Variants in FERMT2 observed in about 807,000 individuals in gnomAD.
The protein encoded by FERMT2 is FERM domain containing kindlin 2.
FERMT2 carries 15 observed loss-of-function variants against 82.7 expected under a neutral mutation model. The ratio of observed to expected loss-of-function variants is 0.18; its 90% CI spans 0.12 to 0.28. FERMT2 has a LOEUF of 0.28. Among genes scored for constraint, FERMT2 ranks in the 10% least tolerant of loss-of-function variants. FERMT2 has a pLI of 1.00. For missense variants in FERMT2, 645 were observed against 809.4 expected (o/e 0.80, Z 2.46); for synonymous variants, 274 against 271.5 (o/e 1.01, Z -0.09).
intron 2 of FERMT2, among the ~76,000 whole-genome samples, chr14:52,939,413 T>G (rs1595022208): frequency 6.6e-6 from 1 of 151,852 alleles, no homozygotes; most frequent in African/African-American, 2.4e-5. Context: ...TGGCTTCCTT[T>G]TAAAAGGCAC....
At chr14:52,907,097 T>C (rs988264359) in intron 3 of FERMT2, among the ~76,000 whole-genome samples, 12 of 152,128 alleles carry the variant, frequency 7.9e-5, no homozygotes, top group Non-Finnish European at 1.8e-4. Context: ...ACTACAACCT[T>C]TGCTTCCCAG....
At chr14:52,875,430 C>T (rs113177107) in intron 7 of FERMT2, 73 bp from the exon 8 acceptor site, 26,372 of 1,162,720 alleles carry the variant, frequency 0.023, 436 homozygotes, top group Non-Finnish European at 0.025. Flanking sequence ...CTATCTGAAT[C>T]TATATTTAAT....
chr14:52,861,361 A>G (rs1566714488), intron 12 of FERMT2: 3 of 296,820 alleles, frequency 1.0e-5, no homozygotes, highest in Admixed American at 5.2e-5. Context: ...TTCCCCCTAC[A>G]TCGTGTACCC....
At chr14:52,897,306 C>G (rs1370291567) in intron 3 of FERMT2, among the ~76,000 whole-genome samples, 2 of 151,916 alleles carry the variant, frequency 1.3e-5, no homozygotes, top group Non-Finnish European at 2.9e-5. Flanking sequence ...CATCTTTTTC[C>G]ATATTTTATT....
intron 3 of FERMT2, among the ~76,000 whole-genome samples, chr14:52,896,681 T>C (rs527384158): frequency 3.0e-4 from 45 of 152,248 alleles, no homozygotes; most frequent in African/African-American, 1.1e-3. Flanking sequence ...ATGTTTTTCC[T>C]CTAATTATAA....
chr14:52,858,652 T>A (rs1006699168), intron 14 of FERMT2, 102 bp from the exon 15 acceptor site: 15 of 997,550 alleles, frequency 1.5e-5, no homozygotes, highest in Non-Finnish European at 1.9e-5. Flanking sequence ...CACAAAACAC[T>A]TGTTGATCCT....
At chr14:52,930,489 G>A (rs1889513492) in intron 2 of FERMT2, among the ~76,000 whole-genome samples, 1 of 152,268 alleles carries the variant, frequency 6.6e-6, no homozygotes, top group Non-Finnish European at 1.5e-5. Context: ...AAGAAAAACT[G>A]CAAGCAATGG....
intron 2 of FERMT2, among the ~76,000 whole-genome samples, chr14:52,946,758 C>T (rs374144903): frequency 6.6e-5 from 10 of 152,220 alleles, no homozygotes; most frequent in African/African-American, 2.2e-4. Context: ...CTGCAACCTC[C>T]GCCTCCCAGG....
chr14:52,948,008 G>T (rs977671964), intron 2 of FERMT2, among the ~76,000 whole-genome samples: 1 of 152,230 alleles, frequency 6.6e-6, no homozygotes, highest in African/African-American at 2.4e-5. Context: ...GTTTGAAAAT[G>T]TAAGTGAATG....
intron 2 of FERMT2, among the ~76,000 whole-genome samples, chr14:52,922,040 GC>G (rs1594997580): frequency 6.6e-6 from 1 of 152,126 alleles, no homozygotes; most frequent in East Asian, 1.9e-4. Flanking sequence ...CCTCCAGAAG[GC>G]ATCCCTGACC....
intron 3 of FERMT2, among the ~76,000 whole-genome samples, chr14:52,911,478 C>G (rs1391433010): frequency 6.6e-6 from 1 of 151,838 alleles, no homozygotes; most frequent in Non-Finnish European, 1.5e-5. Flanking sequence ...GGTGAAAACC[C>G]GTCTCTACTA....
chr14:52,875,891 T>C (rs944267809), intron 7 of FERMT2, among the ~76,000 whole-genome samples: 3 of 152,162 alleles, frequency 2.0e-5, no homozygotes, highest in African/African-American at 4.8e-5. Flanking sequence ...CTAAGAATGT[T>C]TGTACGTGAG....
intron 4 of FERMT2, among the ~76,000 whole-genome samples, chr14:52,886,610 G>A (rs1159418201): frequency 1.3e-5 from 2 of 152,160 alleles, no homozygotes; most frequent in Non-Finnish European, 2.9e-5. Context: ...AGACTTCTCT[G>A]CTTTGACACA....
intron 3 of FERMT2, among the ~76,000 whole-genome samples, chr14:52,907,719 G>A (rs1027694349): frequency 7.9e-5 from 12 of 151,476 alleles, no homozygotes; most frequent in African/African-American, 2.2e-4. Flanking sequence ...AACGAAGGTC[G>A]TAATAGCTAG....
chr14:52,886,636 G>C lies in FERMT2; in HGVS notation c.527-5167C>G, dbSNP rs75216433. ...CTTTGACACAAATCACTAAAACACT[G>C]ATCACCAAAAATCAAATTGCAGAGC... On this transcript the variant is annotated intron_variant, in intron 4 of 14. Transcript: ENST00000341590. 7.7e-3 allele frequency among the ~76,000 whole-genome samples: 1,179 copies of C among 152,190 alleles called. 19 individuals are homozygous for C. The highest frequency in any genetic ancestry group is 0.027 in the African/African-American group (1,139 of 41,510).
chr14:52,872,950 A>G, intron 9 of FERMT2, 27 bp from the exon 10 acceptor site: 1 of 1,606,686 alleles, frequency 6.2e-7, no homozygotes, highest in Non-Finnish European at 8.5e-7. Flanking sequence ...ATTAACAACA[A>G]AATCACTTGG....
chr14:52,874,665 G>C (rs560729209), intron 8 of FERMT2, among the ~76,000 whole-genome samples: 1 of 152,204 alleles, frequency 6.6e-6, no homozygotes, highest in South Asian at 2.1e-4. Context: ...TCACTAAGTG[G>C]ATTTTTACCA....
chr14:52,878,742 A>T, intron 6 of FERMT2, 53 bp from the exon 7 acceptor site: 1 of 924,302 alleles, frequency 1.1e-6, no homozygotes, highest in Non-Finnish European at 1.6e-6. Flanking sequence ...CCATTGAAAA[A>T]TTTCAAACTC....
At chr14:52,925,853 A>G (rs926876667) in intron 2 of FERMT2, among the ~76,000 whole-genome samples, 2 of 152,150 alleles carry the variant, frequency 1.3e-5, no homozygotes, top group African/African-American at 4.8e-5. Flanking sequence ...TCTGTTGGCC[A>G]GGCTGGTCTT....
Sources: allele counts gnomAD v4.1 joint callset (sites outside exome capture counted in the v4.1 genomes callset), GRCh38; gene constraint gnomAD v4.1.1; transcripts MANE v1.5; gene names NCBI Gene and HGNC (gene_info 2026-07-23, HGNC 2026-07-21).